The following ARL15 variants were observed in gnomAD, a reference collection of about 807,000 sequenced individuals.
ARL15 encodes ADP-ribosylation factor-like protein 15.
In ARL15, 19 loss-of-function variants were observed where a neutral mutation model predicts 25.2. The observed-to-expected ratio is 0.75, with a 90% confidence interval of 0.53 to 1.10. The LOEUF (loss-of-function observed/expected upper bound fraction) is 1.10, where lower values mean the gene tolerates loss of function less well. Ranked by LOEUF, ARL15 falls within the 50% of genes least tolerant of loss-of-function variation. The pLI is 0.00. For synonymous variants in ARL15, 94 were observed against 86.8 expected (o/e 1.08, Z -0.46); for missense variants, 220 against 246.0 (o/e 0.89, Z 0.71).
intron 4 of ARL15, among the ~76,000 whole-genome samples, chr5:54,096,966 T>C (rs1752307602): frequency 6.6e-6 from 1 of 152,196 alleles, no homozygotes; most frequent in Non-Finnish European, 1.5e-5. Flanking sequence ...ATCAAGACTA[T>C]GGGAGTAGCC....
At chr5:54,029,495 A>C (rs182777214) in intron 4 of ARL15, among the ~76,000 whole-genome samples, 162 of 152,298 alleles carry the variant, frequency 1.1e-3, no homozygotes, top group African/African-American at 3.6e-3. Flanking sequence ...CATATTAAGC[A>C]TATGTAACAT....
chr5:54,303,664 AAAAAAAAGAAGAAGAAGAGGAGAGG>A (rs1399006206), intron 1 of ARL15, among the ~76,000 whole-genome samples: 1 of 150,700 alleles, frequency 6.6e-6, no homozygotes, highest in East Asian at 1.9e-4. Flanking sequence ...TCAAAAAAAA[AAAAAAAAGAAGAAGAAGAGGAGAGG>A]AAAAAAAGAA....
At chr5:53,966,698 T>C (rs975855415) in intron 4 of ARL15, among the ~76,000 whole-genome samples, 5 of 152,232 alleles carry the variant, frequency 3.3e-5, no homozygotes, top group Non-Finnish European at 4.4e-5. Context: ...AGAAGTCTTA[T>C]TCCGTGTTGA....
intron 2 of ARL15, among the ~76,000 whole-genome samples, chr5:54,171,028 C>G (rs1754702362): frequency 6.6e-6 from 1 of 152,172 alleles, no homozygotes; most frequent in Admixed American, 6.6e-5. Context: ...TTCTTTCCTT[C>G]TTCATTGTCA....
intron 3 of ARL15, among the ~76,000 whole-genome samples, chr5:54,125,567 C>A (rs952518406): frequency 6.6e-6 from 1 of 152,212 alleles, no homozygotes; most frequent in Non-Finnish European, 1.5e-5. Context: ...TATCTGTTCA[C>A]CTGCTGATCA....
At chr5:54,126,287 C>A (rs1358474982) in intron 3 of ARL15, among the ~76,000 whole-genome samples, 2 of 152,178 alleles carry the variant, frequency 1.3e-5, no homozygotes, top group African/African-American at 2.4e-5. Context: ...ATGTTCCCTT[C>A]TAGATGTTCC....
intron 1 of ARL15, among the ~76,000 whole-genome samples, chr5:54,195,043 A>G (rs1239811715): frequency 6.6e-6 from 1 of 152,230 alleles, no homozygotes; most frequent in East Asian, 1.9e-4. Flanking sequence ...CTCAGAAAGT[A>G]AATCTACATT....
intron 4 of ARL15, among the ~76,000 whole-genome samples, chr5:53,999,391 C>A (rs1484849780): frequency 6.6e-6 from 1 of 151,572 alleles, no homozygotes; most frequent in Non-Finnish European, 1.5e-5. Flanking sequence ...CAGTTCAAGA[C>A]CAGCCTGGCC....
At chr5:54,266,205 C>A (rs1394521529) in intron 1 of ARL15, among the ~76,000 whole-genome samples, 1 of 152,190 alleles carries the variant, frequency 6.6e-6, no homozygotes, top group Non-Finnish European at 1.5e-5. Flanking sequence ...CAGAATCCCA[C>A]CTCAACTGAC....
intron 4 of ARL15, among the ~76,000 whole-genome samples, chr5:54,017,694 C>T (rs577660715): frequency 3.3e-5 from 5 of 152,044 alleles, no homozygotes; most frequent in African/African-American, 9.6e-5. Flanking sequence ...GAGCCAGAGG[C>T]AGTAACCAGG....
intron 3 of ARL15, among the ~76,000 whole-genome samples, chr5:54,148,914 A>C (rs961514798): frequency 6.6e-6 from 1 of 152,232 alleles, no homozygotes; most frequent in East Asian, 1.9e-4. Flanking sequence ...CAATTCACAC[A>C]TACAATTTCA....
chr5:54,301,540 A>G (rs765054891), intron 1 of ARL15, among the ~76,000 whole-genome samples: 1 of 152,338 alleles, frequency 6.6e-6, no homozygotes, highest in African/African-American at 2.4e-5. Context: ...TCAGGAAGGC[A>G]GGTACACAGA....
At chr5:53,968,245 C>T (rs1049622026) in intron 4 of ARL15, among the ~76,000 whole-genome samples, 5 of 152,150 alleles carry the variant, frequency 3.3e-5, no homozygotes, top group Non-Finnish European at 7.4e-5. Context: ...TTCAGATGAT[C>T]GATCACTTTC....
intron 4 of ARL15, among the ~76,000 whole-genome samples, chr5:53,906,646 A>G (rs944910148): frequency 2.0e-5 from 3 of 152,236 alleles, no homozygotes; most frequent in African/African-American, 7.2e-5. Flanking sequence ...AATTGAAAAG[A>G]GTTCCCTAAA....
intron 1 of ARL15, among the ~76,000 whole-genome samples, chr5:54,290,944 C>T (rs1258317960): frequency 6.6e-6 from 1 of 152,050 alleles, no homozygotes. Flanking sequence ...ATTTAAAGTC[C>T]TCAAAATATT....
At chr5:54,140,306 G>A (rs1252152065) in intron 3 of ARL15, among the ~76,000 whole-genome samples, 1 of 150,976 alleles carries the variant, frequency 6.6e-6, no homozygotes, top group Non-Finnish European at 1.5e-5. Flanking sequence ...AGTTCCTGAA[G>A]TATGAATTGT....
intron 4 of ARL15, among the ~76,000 whole-genome samples, chr5:53,969,313 TC>T: frequency 6.6e-6 from 1 of 152,344 alleles, no homozygotes; most frequent in South Asian, 2.1e-4. Context: ...CAATTTGAAT[TC>T]CCTAGTTAGG....
intron 4 of ARL15, among the ~76,000 whole-genome samples, chr5:53,919,664 T>TGCCATGG (rs144126024): frequency 0.49 from 74,780 of 151,944 alleles, 19,415 homozygotes; most frequent in African/African-American, 0.63. Context: ...CCATGGTCTA[T>TGCCATGG]TTCTACTGAA....
At chr5:53,917,696 A>G (rs1745699395) in intron 4 of ARL15, among the ~76,000 whole-genome samples, 1 of 152,174 alleles carries the variant, frequency 6.6e-6, no homozygotes, top group Non-Finnish European at 1.5e-5. Context: ...GCTTGAGAAG[A>G]GCAGTTAAGA....
Sources: allele counts gnomAD v4.1 joint callset (sites outside exome capture counted in the v4.1 genomes callset), GRCh38; gene constraint gnomAD v4.1.1; transcripts MANE v1.5; gene names NCBI Gene and HGNC (gene_info 2026-07-23, HGNC 2026-07-21).